The following UBR2 variants were observed in gnomAD, a reference collection of about 807,000 sequenced individuals.
The protein encoded by UBR2 is E3 ubiquitin-protein ligase UBR2.
UBR2 carries 92 observed loss-of-function variants against 247.9 expected under a neutral mutation model. The observed-to-expected ratio is 0.37, with a 90% CI of 0.31 to 0.44. The LOEUF (loss-of-function observed/expected upper bound fraction) is 0.44. UBR2 is among the 20% of genes least tolerant of loss of function. The pLI is 1.00. For synonymous variants in UBR2, 672 were observed against 693.5 expected (o/e 0.97, Z 0.49); for missense variants, 1,613 against 2,112.6 (o/e 0.76, Z 4.64).
chr6:42,675,246 G>A (rs1798654539), intron 38 of UBR2, among the ~76,000 whole-genome samples: 1 of 152,160 alleles, frequency 6.6e-6, no homozygotes, highest in South Asian at 2.1e-4. Context: ...AACAGAGCTA[G>A]CATTTGTGTA....
At chr6:42,674,305 C>T in intron 38 of UBR2, 112 bp downstream of exon 38, 1 of 937,020 alleles carries the variant, frequency 1.1e-6, no homozygotes, top group Non-Finnish European at 1.6e-6. Context: ...TTCCTTACCC[C>T]TTCTGAGTAT....
intron 38 of UBR2, among the ~76,000 whole-genome samples, chr6:42,674,885 C>T (rs995928256): frequency 1.3e-5 from 2 of 152,100 alleles, no homozygotes; most frequent in African/African-American, 2.4e-5. Flanking sequence ...CCTTATAATT[C>T]AGGGAAAGGT....
Position 42,592,284 on chromosome 6 carries a change from C to A in UBR2, c.417+55C>A, listed in dbSNP as rs572570336. 13 of 1,294,134 alleles carry A rather than the reference C, an allele frequency of 1.0e-5. No individual in the cohort carries two copies. The Admixed American group carries it at 1.1e-4, about 11-fold the overall frequency. The allele number at this position is 1,294,134 out of a possible 1,614,324, so 80.2% of individuals were successfully genotyped here. On this transcript the variant is annotated intron_variant, in intron 3 of 46. Transcript: ENST00000372901. Reference sequence around the variant, plus strand: ...CAGTATTGCATTTTATAATAAATATCTTTTCTTTCTTTTCAAAATGCAAAG... The same window carrying A: ...CAGTATTGCATTTTATAATAAATATATTTTCTTTCTTTTCAAAATGCAAAG...
intron 44 of UBR2, among the ~76,000 whole-genome samples, chr6:42,686,731 A>G (rs6941298): frequency 0.18 from 25,883 of 143,522 alleles, 2,913 homozygotes; most frequent in African/African-American, 0.33. Flanking sequence ...CGGACGGGGC[A>G]GCTGGCCGGG....
At chr6:42,568,978 G>T (rs1244177693) in intron 1 of UBR2, among the ~76,000 whole-genome samples, 1 of 152,140 alleles carries the variant, frequency 6.6e-6, no homozygotes, top group Non-Finnish European at 1.5e-5. Context: ...TCAAATTAGG[G>T]ATGCTCAACC....
At chr6:42,568,868 C>T (rs1402567799) in intron 1 of UBR2, among the ~76,000 whole-genome samples, 1 of 152,182 alleles carries the variant, frequency 6.6e-6, no homozygotes. Flanking sequence ...ACCAGTTGAG[C>T]ATCCTTAATC....
intron 22 of UBR2, among the ~76,000 whole-genome samples, chr6:42,649,762 T>A (rs1234175561): frequency 6.6e-6 from 1 of 151,614 alleles, no homozygotes; most frequent in Non-Finnish European, 1.5e-5. Context: ...ATATTAGAAA[T>A]GTCAATTCTT....
chr6:42,664,495 G>A (rs941846189), intron 32 of UBR2, among the ~76,000 whole-genome samples: 1 of 152,134 alleles, frequency 6.6e-6, no homozygotes, highest in Non-Finnish European at 1.5e-5. Context: ...GAGTATAAAC[G>A]ATCCATTTCT....
chr6:42,663,266 A>G lies in UBR2; in HGVS notation c.3545A>G (p.Asp1182Gly). The change falls in exon 32 of 47, where the codon GAT becomes GGT. Residue 1182 changes from aspartate to glycine, a missense_variant. By Grantham distance (94) the Asp-to-Gly change is moderately conservative. Transcript: ENST00000372901. ...MHAHCWQRYF[D>G]SVQAKEQRRQ... The stretch of plus-strand genomic sequence containing the variant: ...GTTCTCTAATTGTAAAGGTATTTTG[A>G]TTCCGTTCAAGCTAAAGAACAGCGA... 6.2e-7 allele frequency: 1 copy of G among 1,601,724 alleles called. No individual in the cohort carries two copies. The highest frequency in any genetic ancestry group is 8.5e-7 in the Non-Finnish European group (1 of 1,174,842).
chr6:42,645,273 C>T (rs550421667), intron 20 of UBR2, among the ~76,000 whole-genome samples, 193 bp from the exon 21 acceptor site: 3 of 152,296 alleles, frequency 2.0e-5, no homozygotes, highest in Middle Eastern at 3.4e-3. Flanking sequence ...CCTGCCCTCA[C>T]GTTTTGGGTC....
At chr6:42,574,583 A>G (rs1047825476) in intron 2 of UBR2, among the ~76,000 whole-genome samples, 3 of 152,188 alleles carry the variant, frequency 2.0e-5, no homozygotes, top group Non-Finnish European at 2.9e-5. Context: ...GTGAAAATTG[A>G]GTATACAAGG....
intron 1 of UBR2, among the ~76,000 whole-genome samples, chr6:42,565,584 G>A (rs975956095): frequency 6.6e-6 from 1 of 152,108 alleles, no homozygotes; most frequent in Non-Finnish European, 1.5e-5. Context: ...TTTTGAGACG[G>A]AGTTTCGCTT....
At chr6:42,661,301 A>G (rs1037987140) in intron 30 of UBR2, among the ~76,000 whole-genome samples, 12 of 152,080 alleles carry the variant, frequency 7.9e-5, no homozygotes, top group African/African-American at 2.4e-4. Context: ...AAAAAAAGAT[A>G]TTTAAACTAG....
intron 17 of UBR2, 25 bp downstream of exon 17, chr6:42,641,717 G>A: frequency 6.3e-7 from 1 of 1,578,854 alleles, no homozygotes. Context: ...ATTCTATGAA[G>A]AGTTTTCATT....
chr6:42,643,591 G>A (rs952836169), intron 18 of UBR2, among the ~76,000 whole-genome samples: 15 of 151,916 alleles, frequency 9.9e-5, no homozygotes, highest in African/African-American at 1.9e-4. Context: ...GTGAGACTCC[G>A]TCTCAAAAAA....
intron 43 of UBR2, 91 bp from the exon 44 acceptor site, chr6:42,684,702 CG>C: frequency 1.2e-6 from 1 of 827,542 alleles, no homozygotes; most frequent in Non-Finnish European, 1.8e-6. Context: ...CCATGTTACC[CG>C]GGCTAGGCAG....
At chr6:42,612,374 A>T in intron 8 of UBR2, 83 bp downstream of exon 8, 1 of 1,303,796 alleles carries the variant, frequency 7.7e-7, no homozygotes, top group East Asian at 2.6e-5. Context: ...GAAAACTATC[A>T]ACTGGAATAA....
chr6:42,642,763 C>A (rs190794997), intron 18 of UBR2, among the ~76,000 whole-genome samples: 50 of 152,274 alleles, frequency 3.3e-4, no homozygotes, highest in African/African-American at 1.2e-3. Flanking sequence ...CACAGTCTAC[C>A]TAGTTGCTAA....
At chr6:42,605,482 T>A (rs1443718794) in intron 5 of UBR2, among the ~76,000 whole-genome samples, 1 of 152,188 alleles carries the variant, frequency 6.6e-6, no homozygotes, top group African/African-American at 2.4e-5. Context: ...CCCAGGCCTG[T>A]TATACCCTGC....
Sources: gnomAD v4.1 joint callset for allele counts (sites outside exome capture counted in the v4.1 genomes callset) on GRCh38, gnomAD v4.1.1 for gene constraint, MANE v1.5 for transcripts, NCBI Gene and HGNC (gene_info 2026-07-23, HGNC 2026-07-21) for gene names.